Variants in ANKRD55 observed in about 807,000 individuals in gnomAD.
The protein encoded by ANKRD55 is ankyrin repeat domain-containing protein 55.
A neutral mutation model predicts 60.6 loss-of-function variants in ANKRD55; 41 were observed. The ratio of observed to expected loss-of-function variants is 0.68; its 90% CI spans 0.53 to 0.88. The LOEUF is 0.88. Among genes scored for constraint, ANKRD55 ranks in the 40% least tolerant of loss-of-function variants. The probability of loss-of-function intolerance (pLI) is 0.00; values close to 1 mark genes in which losing one functional copy is unlikely to be tolerated. For missense variants in ANKRD55, 732 were observed against 767.6 expected (o/e 0.95, Z 0.55); for synonymous variants, 264 against 290.3 (o/e 0.91, Z 0.92).
In ANKRD55 at chr5:56,102,507, TAGGGG is replaced by T. The variant is rs1756315445; in HGVS notation, c.1705_1709del (p.Pro569ThrfsTer34). On this transcript the variant is annotated frameshift_variant, in exon 11 of 12. Transcript: ENST00000341048. LOFTEE classifies it low-confidence loss of function (END_TRUNC). The stretch of plus-strand genomic sequence containing the variant: ...CATAATACTTACATTTTTGATCTGG[TAGGGG>T]AGCTAGGTTGTTCCGAGTGAAAGGA... 1 of 1,612,122 alleles carries T rather than the reference TAGGGG, an allele frequency of 6.2e-7. No individual in the cohort carries two copies. The highest frequency in any genetic ancestry group is 8.5e-7 in the Non-Finnish European group (1 of 1,178,422).
chr5:56,143,378 G>A (rs1757818753), intron 7 of ANKRD55, among the ~76,000 whole-genome samples: 1 of 152,174 alleles, frequency 6.6e-6, no homozygotes, highest in African/African-American at 2.4e-5. Flanking sequence ...GCAGGGTCAT[G>A]AGCCACTACT....
rs1480802414 is a variant in ANKRD55, at chr5:56,166,087, TTTCTTTCTTTC to T, written c.422+4596_422+4606del. 6.2e-3 allele frequency among the ~76,000 whole-genome samples: 78 copies of T among 12,546 alleles called. 1 individual carries two copies. The highest frequency in any genetic ancestry group is 8.4e-3 in the South Asian group (3 of 358). The allele number at this position is 12,546 out of a possible 152,430, so 8.2% of individuals were successfully genotyped here. ...ACCCTTCAGGGATCTTTCTTTTCTTTTTCTTTCTTTCTTTCTTTCTTTCTTTCTTTCTTTCT... is the reference window on the plus strand; with the variant it reads ...ACCCTTCAGGGATCTTTCTTTTCTTTTTTCTTTCTTTCTTTCTTTCTTTCT... On this transcript the variant is annotated intron_variant, in intron 5 of 11. Transcript: ENST00000341048.
At chr5:56,157,686 A>G (rs181612354) in intron 6 of ANKRD55, among the ~76,000 whole-genome samples, 3 of 152,138 alleles carry the variant, frequency 2.0e-5, no homozygotes, top group Non-Finnish European at 4.4e-5. Flanking sequence ...TGTTTATGAT[A>G]CAGAGACATT....
chr5:56,158,495 G>A (rs1313492492), intron 6 of ANKRD55, among the ~76,000 whole-genome samples: 2 of 152,182 alleles, frequency 1.3e-5, no homozygotes, highest in African/African-American at 4.8e-5. Context: ...AAGACTCTAA[G>A]CTACTCTTGG....
intron 2 of ANKRD55, among the ~76,000 whole-genome samples, chr5:56,190,363 C>T (rs1759066088): frequency 6.6e-6 from 1 of 152,084 alleles, no homozygotes; most frequent in Non-Finnish European, 1.5e-5. Flanking sequence ...CTTCTGTTGT[C>T]TGTGCATTTG....
chr5:56,136,320 C>A (rs1266449802), intron 7 of ANKRD55, among the ~76,000 whole-genome samples: 2 of 152,090 alleles, frequency 1.3e-5, no homozygotes, highest in African/African-American at 2.4e-5. Context: ...TAGTGGAGAA[C>A]AAAGTTGGGT....
intron 10 of ANKRD55, chr5:56,110,420 C>T (rs1334550005): frequency 6.6e-6 from 1 of 151,956 alleles, no homozygotes; most frequent in African/African-American, 2.4e-5. Flanking sequence ...TAAATACATT[C>T]TTTAGTGTGA....
At chr5:56,117,453 TA>T (rs1216427816) in intron 8 of ANKRD55, among the ~76,000 whole-genome samples, 1 of 152,200 alleles carries the variant, frequency 6.6e-6, no homozygotes, top group Non-Finnish European at 1.5e-5. Flanking sequence ...AATTTATTTT[TA>T]TTTTTATTTT....
At chr5:56,159,151 T>A (rs1758262847) in intron 6 of ANKRD55, among the ~76,000 whole-genome samples, 1 of 152,234 alleles carries the variant, frequency 6.6e-6, no homozygotes, top group South Asian at 2.1e-4. Flanking sequence ...CCCACCTCTC[T>A]GCCATCTTAC....
chr5:56,229,427 A>C (rs1760194887), intron 2 of ANKRD55, among the ~76,000 whole-genome samples: 2 of 152,192 alleles, frequency 1.3e-5, no homozygotes, highest in Admixed American at 1.3e-4. Flanking sequence ...AGCCAGCCAG[A>C]GACCATGCCC....
intron 2 of ANKRD55, among the ~76,000 whole-genome samples, chr5:56,189,162 C>T (rs1245372950): frequency 6.6e-6 from 1 of 151,682 alleles, no homozygotes; most frequent in Non-Finnish European, 1.5e-5. Context: ...TGATAGTAGC[C>T]TTCAGATAGT....
chr5:56,199,728 A>C (rs1472961737), intron 2 of ANKRD55, among the ~76,000 whole-genome samples: 2 of 151,540 alleles, frequency 1.3e-5, no homozygotes, highest in Non-Finnish European at 2.9e-5. Flanking sequence ...GTCTCTACTA[A>C]AAGTACAAAA....
chr5:56,112,221 G>A (rs1580941904), intron 9 of ANKRD55, among the ~76,000 whole-genome samples: 1 of 152,014 alleles, frequency 6.6e-6, no homozygotes, highest in African/African-American at 2.4e-5. Flanking sequence ...GGATGGAGGA[G>A]GTTGCTGAGG....
intron 2 of ANKRD55, among the ~76,000 whole-genome samples, chr5:56,220,348 C>A (rs1759928479): frequency 6.6e-6 from 1 of 152,122 alleles, no homozygotes; most frequent in Non-Finnish European, 1.5e-5. Context: ...ATTGGGGGCA[C>A]AACCTGTCCT....
chr5:56,207,844 A>G (rs1759551596), intron 2 of ANKRD55, among the ~76,000 whole-genome samples: 1 of 152,226 alleles, frequency 6.6e-6, no homozygotes, highest in Non-Finnish European at 1.5e-5. Flanking sequence ...CACTCAGCTT[A>G]CACTACATTT....
chr5:56,137,082 C>A, intron 7 of ANKRD55: 1 of 883,396 alleles, frequency 1.1e-6, no homozygotes, highest in Non-Finnish European at 1.9e-6. Flanking sequence ...ATGCCCAGGC[C>A]ATCAGGGTAG....
intron 11 of ANKRD55, among the ~76,000 whole-genome samples, chr5:56,101,613 T>C (rs1756278128): frequency 6.6e-6 from 1 of 152,148 alleles, no homozygotes; most frequent in South Asian, 2.1e-4. Context: ...TCAGAATCTC[T>C]GGGTGGGGGA....
At chr5:56,231,288 G>A (rs917584309) in intron 2 of ANKRD55, among the ~76,000 whole-genome samples, 3 of 152,176 alleles carry the variant, frequency 2.0e-5, no homozygotes, top group Non-Finnish European at 4.4e-5. Flanking sequence ...TCACATGAAA[G>A]GTGTTAAAAG....
In ANKRD55 at chr5:56,133,448, A is replaced by AAC. The variant is rs1398150036; in HGVS notation, c.613-6343_613-6342insGT. ...AGGAAGACTCCGTCTCAAAAAAAAAAAAAAACAATTAATTAATTGGATACA... is the reference window on the plus strand; with the variant it reads ...AGGAAGACTCCGTCTCAAAAAAAAAAACAAAAACAATTAATTAATTGGATACA... On this transcript the variant is annotated intron_variant, in intron 7 of 11. Coordinates refer to ENST00000341048, the MANE Select transcript of ANKRD55 (RefSeq NM_024669.3). 6.2e-5 allele frequency among the ~76,000 whole-genome samples: 7 copies of AAC among 113,464 alleles called. 3 individuals carry two copies. Among genetic ancestry groups the AAC allele is most frequent in the Admixed American group, 1.7e-4 (2 of 11,682 alleles). 74.4% of individuals were successfully genotyped at this position (113,464 alleles called of 152,430 possible).
Sources: gnomAD v4.1 joint callset for allele counts (sites outside exome capture counted in the v4.1 genomes callset) on GRCh38, gnomAD v4.1.1 for gene constraint, MANE v1.5 for transcripts, NCBI Gene and HGNC (gene_info 2026-07-23, HGNC 2026-07-21) for gene names.